STAB2: variants seen among roughly 807,000 people sequenced by gnomAD.
STAB2 encodes stabilin 2.
A neutral mutation model predicts 338.1 loss-of-function variants in STAB2; 288 were observed. The observed-to-expected ratio is 0.85, with a 90% confidence interval of 0.77 to 0.94. The LOEUF is 0.94. Ranked by LOEUF, STAB2 falls within the 40% of genes least tolerant of loss-of-function variation. STAB2 has a pLI of 0.00. For synonymous variants in STAB2, 1,202 were observed against 1,193.3 expected (o/e 1.01, Z -0.15); for missense variants, 3,141 against 3,210.1 (o/e 0.98, Z 0.52).
intron 23 of STAB2, among the ~76,000 whole-genome samples, chr12:103,674,528 C>A (rs902379115): frequency 3.3e-5 from 5 of 152,222 alleles, no homozygotes; most frequent in African/African-American, 9.6e-5. Context: ...AACTTTCTAA[C>A]CTTTGAAGAC....
chr12:103,694,450 A>C (rs1878228809), intron 31 of STAB2, among the ~76,000 whole-genome samples: 1 of 152,178 alleles, frequency 6.6e-6, no homozygotes, highest in Non-Finnish European at 1.5e-5. Context: ...ACGTTTCTGG[A>C]AAAAGCCAGA....
chr12:103,739,353 C>G, intron 53 of STAB2, 59 bp from the exon 54 acceptor site: 1 of 1,463,468 alleles, frequency 6.8e-7, no homozygotes, highest in Non-Finnish European at 9.2e-7. Context: ...TAATCAGGAA[C>G]ATTTCCTTGT....
Position 103,638,216 on chromosome 12 carries a change from A to G in STAB2, c.906+4A>G. On this transcript the variant is annotated splice_donor_region_variant and intron_variant, in intron 8 of 68. Transcript: ENST00000388887. ...CAAATATGATGGGCCTGGACAGGTG[A>G]GCAAATGATGCAGGGAACTGATGTA... is the stretch of plus-strand genomic sequence containing the variant. 2 of 1,612,390 alleles carry G rather than the reference A, an allele frequency of 1.2e-6. No individual in the cohort carries two copies.
chr12:103,699,926 C>A (rs530139809), intron 34 of STAB2, among the ~76,000 whole-genome samples: 1 of 152,306 alleles, frequency 6.6e-6, no homozygotes, highest in African/African-American at 2.4e-5. Flanking sequence ...TGGGAGGGAA[C>A]CTGGGAGATC....
chr12:103,712,231 C>A, intron 40 of STAB2, 136 bp from the exon 41 acceptor site: 1 of 743,596 alleles, frequency 1.3e-6, no homozygotes, highest in Non-Finnish European at 2.5e-6. Context: ...AGACTCTTCT[C>A]CCAAGCCTTA....
At chr12:103,673,215 A>C (rs1165693813) in intron 22 of STAB2, among the ~76,000 whole-genome samples, 1 of 152,158 alleles carries the variant, frequency 6.6e-6, no homozygotes, top group Non-Finnish European at 1.5e-5. Context: ...AAAGGTGAGA[A>C]ATTTCCAGGC....
chr12:103,684,593 C>T (rs993013326), intron 26 of STAB2, among the ~76,000 whole-genome samples: 11 of 152,158 alleles, frequency 7.2e-5, no homozygotes, highest in Admixed American at 3.9e-4. Flanking sequence ...ATATGATTGC[C>T]AGATAAAATG....
chr12:103,605,248 A>G (rs1006487243), intron 3 of STAB2, among the ~76,000 whole-genome samples: 3 of 151,956 alleles, frequency 2.0e-5, no homozygotes, highest in Non-Finnish European at 4.4e-5. Context: ...CATGCTTAGA[A>G]GGAAATTTAT....
chr12:103,593,478 G>A (rs191119868), intron 2 of STAB2, among the ~76,000 whole-genome samples: 4 of 152,238 alleles, frequency 2.6e-5, no homozygotes, highest in Admixed American at 6.5e-5. Flanking sequence ...TTCAAAATTA[G>A]TTCCTGAAGG....
At chr12:103,744,461 CTTTTTTTTTT>C (rs3035275) in intron 56 of STAB2, among the ~76,000 whole-genome samples, 2 of 122,468 alleles carry the variant, frequency 1.6e-5, no homozygotes, top group African/African-American at 3.3e-5. Flanking sequence ...CACAATTTTA[CTTTTTTTTTT>C]TTTTTTTTTT....
rs944743654 is a variant in STAB2 at position 103,681,953 on chromosome 12, A to G, written c.2806-1252A>G. ...GCCCACCCTACTCCAGTATGACCTC[A>G]TCTTAACTAATTATATCGTATCAAC... is the stretch of plus-strand genomic sequence containing the variant. On this transcript the variant is annotated intron_variant, in intron 25 of 68. Coordinates refer to ENST00000388887, the MANE Select transcript of STAB2 (RefSeq NM_017564.10). Among the ~76,000 whole-genome samples, 19 of 152,146 alleles carry G rather than the reference A, an allele frequency of 1.2e-4. 1 individual carries two copies. Among genetic ancestry groups the G allele is most frequent in the Admixed American group, 3.9e-4 (6 of 15,280 alleles).
chr12:103,636,466 A>G (rs1220846532), intron 6 of STAB2, among the ~76,000 whole-genome samples: 1 of 151,762 alleles, frequency 6.6e-6, no homozygotes, highest in Admixed American at 6.6e-5. Context: ...TTTTTTAAAA[A>G]AAATAGGTAC....
intron 25 of STAB2, among the ~76,000 whole-genome samples, chr12:103,681,942 A>G (rs1227119311): frequency 3.3e-5 from 5 of 152,090 alleles, no homozygotes; most frequent in Non-Finnish European, 5.9e-5. Context: ...ACCCTACTCC[A>G]GTATGACCTC....
chr12:103,610,763 C>A (rs1096552), intron 3 of STAB2, among the ~76,000 whole-genome samples: 59,962 of 151,980 alleles, frequency 0.39, 13,320 homozygotes, highest in East Asian at 0.62. Flanking sequence ...TTTTCTAGTT[C>A]TTTTCATTGT....
intron 39 of STAB2, among the ~76,000 whole-genome samples, chr12:103,709,240 G>A (rs990028696): frequency 2.3e-4 from 35 of 152,274 alleles, no homozygotes; most frequent in Middle Eastern, 3.4e-3. Flanking sequence ...ATACCACAAC[G>A]ACATGGGAAA....
chr12:103,596,321 A>G (rs1956875382), intron 3 of STAB2, among the ~76,000 whole-genome samples: 1 of 152,218 alleles, frequency 6.6e-6, no homozygotes, highest in Admixed American at 6.5e-5. Flanking sequence ...TTTGTCAAAG[A>G]TGCAGTACAA....
intron 22 of STAB2, among the ~76,000 whole-genome samples, chr12:103,672,306 G>GA (rs1173476351): frequency 6.6e-6 from 1 of 152,066 alleles, no homozygotes; most frequent in Non-Finnish European, 1.5e-5. Context: ...ATTAGAGGAA[G>GA]AAAAAAATCA....
At chr12:103,731,539 A>C in intron 49 of STAB2, 37 bp from the exon 50 acceptor site, 1 of 1,608,882 alleles carries the variant, frequency 6.2e-7, no homozygotes, top group Non-Finnish European at 8.5e-7. Context: ...AAACTGTATA[A>C]GGAAAAGTTT....
intron 3 of STAB2, among the ~76,000 whole-genome samples, chr12:103,614,356 T>C (rs1957176531): frequency 6.6e-6 from 1 of 152,200 alleles, no homozygotes; most frequent in Admixed American, 6.5e-5. Context: ...ACCTGGTGGA[T>C]AAGTTTACAG....
Sources: allele counts gnomAD v4.1 joint callset (sites outside exome capture counted in the v4.1 genomes callset), GRCh38; gene constraint gnomAD v4.1.1; transcripts MANE v1.5; gene names NCBI Gene and HGNC (gene_info 2026-07-23, HGNC 2026-07-21).